The following DOCK2 variants were observed in gnomAD, a reference collection of about 807,000 sequenced individuals.
The protein encoded by DOCK2 is dedicator of cytokinesis 2.
A neutral mutation model predicts 248.9 loss-of-function variants in DOCK2; 87 were observed. The observed-to-expected ratio is 0.35, with a 90% CI of 0.29 to 0.42. The LOEUF is 0.42. DOCK2 is among the 10% of genes least tolerant of loss of function. The pLI, the probability that DOCK2 is intolerant of heterozygous loss-of-function variation, is 1.00. For synonymous variants in DOCK2, 805 were observed against 821.6 expected (o/e 0.98, Z 0.35); for missense variants, 1,747 against 2,300.2 (o/e 0.76, Z 4.92).
intron 2 of DOCK2, among the ~76,000 whole-genome samples, chr5:169,666,169 T>C (rs1274230354): frequency 6.6e-6 from 1 of 152,110 alleles, no homozygotes; most frequent in Admixed American, 6.5e-5. Context: ...GCTGTGTTCT[T>C]GTCATAGCCT....
chr5:170,042,989 A>G (rs79926518), intron 38 of DOCK2, among the ~76,000 whole-genome samples: 6,002 of 152,268 alleles, frequency 0.039, 351 homozygotes, highest in African/African-American at 0.14. Context: ...AATGAACTGA[A>G]TGGATAAATG....
chr5:170,033,887 A>G (rs913299828), intron 34 of DOCK2, among the ~76,000 whole-genome samples: 2 of 152,222 alleles, frequency 1.3e-5, no homozygotes, highest in African/African-American at 4.8e-5. Context: ...ATGTCTTCAT[A>G]GAATTCCATT....
At chr5:169,703,710 C>T (rs1363152083) in intron 14 of DOCK2, among the ~76,000 whole-genome samples, 3 of 152,174 alleles carry the variant, frequency 2.0e-5, no homozygotes, top group Non-Finnish European at 2.9e-5. Flanking sequence ...TGAACGCATC[C>T]TCCTTTTGTT....
chr5:169,980,795 C>T (rs1777914047), intron 27 of DOCK2: 1 of 152,212 alleles, frequency 6.6e-6, no homozygotes, highest in Non-Finnish European at 1.5e-5. Context: ...CACTCACTAC[C>T]ACCCCCTGGG....
At chr5:169,830,855 A>C (rs1231766304) in intron 26 of DOCK2, among the ~76,000 whole-genome samples, 2 of 152,186 alleles carry the variant, frequency 1.3e-5, no homozygotes, top group Non-Finnish European at 2.9e-5. Context: ...GGTTACATCT[A>C]TAGCCCCAGC....
At chr5:170,060,288 G>A (rs766547538) in intron 44 of DOCK2, among the ~76,000 whole-genome samples, 3 of 152,138 alleles carry the variant, frequency 2.0e-5, no homozygotes, top group Non-Finnish European at 4.4e-5. Flanking sequence ...CTGGGTCTTA[G>A]TTTTAATCAT....
intron 27 of DOCK2, among the ~76,000 whole-genome samples, chr5:169,895,308 C>G (rs1481254500): frequency 6.6e-6 from 1 of 152,116 alleles, no homozygotes; most frequent in Non-Finnish European, 1.5e-5. Context: ...CCTTCCCTCT[C>G]TTGTTTCTTG....
Position 169,895,695 on chromosome 5 carries a change from A to G in DOCK2, c.2799+54843A>G, listed in dbSNP as rs150703109. Among the ~76,000 whole-genome samples the G allele has an allele frequency of 5.0e-3, 757 of 151,818 alleles. 5 individuals carry two copies. The highest frequency in any genetic ancestry group is 0.015 in the African/African-American group (634 of 41,482). On this transcript the variant is annotated intron_variant, in intron 27 of 51. Transcript: ENST00000520908. ...TTCCATCTCCTGGAATGAAATACTTATCATGACTTGGCAAAGCCTTTCTCT... is the reference window on the plus strand; with the variant it reads ...TTCCATCTCCTGGAATGAAATACTTGTCATGACTTGGCAAAGCCTTTCTCT...
At chr5:169,747,655 A>C in intron 23 of DOCK2, 151 bp downstream of exon 23, 1 of 592,910 alleles carries the variant, frequency 1.7e-6, no homozygotes, top group Non-Finnish European at 2.9e-6. Flanking sequence ...AGGGCTCCTC[A>C]GGACAAGAGA....
chr5:169,856,353 A>G (rs1770894877), intron 27 of DOCK2, among the ~76,000 whole-genome samples: 1 of 152,210 alleles, frequency 6.6e-6, no homozygotes, highest in Admixed American at 6.5e-5. Flanking sequence ...TTTTCCGCTC[A>G]GTGTCCTTGG....
At chr5:169,907,354 C>G (rs1774340334) in intron 27 of DOCK2, among the ~76,000 whole-genome samples, 1 of 152,206 alleles carries the variant, frequency 6.6e-6, no homozygotes, top group African/African-American at 2.4e-5. Context: ...TAGAAGGGAG[C>G]TCTTGGAAAG....
At chr5:169,727,345 G>A (rs1263874385) in intron 22 of DOCK2, among the ~76,000 whole-genome samples, 1 of 152,142 alleles carries the variant, frequency 6.6e-6, no homozygotes, top group African/African-American at 2.4e-5. Flanking sequence ...AGTGACTCCA[G>A]GTCACACTCT....
rs895359252 is a variant in DOCK2, at chr5:170,077,969, A to G, written c.4994+132A>G. On this transcript the variant is annotated intron_variant, in intron 48 of 51. Transcript: ENST00000520908. ...CCTTTCAGTTTAAAAGCCTTTTCCCATCTGCAGTCTCACAACTACCCCAGG... is the reference window on the plus strand; with the variant it reads ...CCTTTCAGTTTAAAAGCCTTTTCCCGTCTGCAGTCTCACAACTACCCCAGG... 2.0e-5 allele frequency: 15 copies of G among 756,980 alleles called. No individual in the cohort carries two copies. The African/African-American group carries it at 2.6e-4, about 13-fold the overall frequency. 46.9% of individuals were successfully genotyped at this position (756,980 alleles called of 1,614,324 possible).
intron 2 of DOCK2, among the ~76,000 whole-genome samples, chr5:169,668,338 G>T (rs952493517): frequency 6.6e-6 from 1 of 151,974 alleles, no homozygotes; most frequent in East Asian, 1.9e-4. Context: ...CACTCAAAAA[G>T]AAGCTATCAC....
chr5:169,998,435 A>C (rs1400981424), intron 30 of DOCK2, among the ~76,000 whole-genome samples: 1 of 152,220 alleles, frequency 6.6e-6, no homozygotes, highest in Non-Finnish European at 1.5e-5. Flanking sequence ...CTTGCATTCA[A>C]ATCAGGCAAC....
intron 26 of DOCK2, among the ~76,000 whole-genome samples, chr5:169,821,943 AAC>A (rs1768474289): frequency 6.6e-6 from 1 of 152,212 alleles, no homozygotes; most frequent in Admixed American, 6.5e-5. Context: ...GCAAATGGAA[AAC>A]AAAAAAAGGC....
At chr5:169,750,790 T>A (rs1184328306) in intron 23 of DOCK2, among the ~76,000 whole-genome samples, 1 of 152,196 alleles carries the variant, frequency 6.6e-6, no homozygotes, top group Non-Finnish European at 1.5e-5. Context: ...TATTGAAAAG[T>A]TATCGAAGAA....
rs2113397750 is a variant in DOCK2 at position 169,858,995 on chromosome 5, C to T, written c.2799+18143C>T. ...TGCCACTGCACTTCAGCCTGGGTGA[C>T]AGAGTGAGACCCTGTTTCAAAATAT... On this transcript the variant is annotated intron_variant, in intron 27 of 51. Transcript: ENST00000520908. Among the ~76,000 whole-genome samples the T allele has an allele frequency of 2.0e-5, 3 of 152,258 alleles. 1 individual carries two copies. In the Middle Eastern group the frequency reaches 0.01, roughly 518 times the overall value.
intron 27 of DOCK2, among the ~76,000 whole-genome samples, chr5:169,971,818 C>T (rs924843614): frequency 3.9e-5 from 6 of 152,198 alleles, no homozygotes; most frequent in African/African-American, 1.4e-4. Flanking sequence ...CTTCCATATT[C>T]TTCCCCTCTA....
Sources: allele counts gnomAD v4.1 joint callset (sites outside exome capture counted in the v4.1 genomes callset), GRCh38; gene constraint gnomAD v4.1.1; transcripts MANE v1.5; gene names NCBI Gene and HGNC (gene_info 2026-07-23, HGNC 2026-07-21).